RIMS1: variants seen among roughly 807,000 people sequenced by gnomAD.
RIMS1 encodes regulating synaptic membrane exocytosis protein 1.
A neutral mutation model predicts 214.1 loss-of-function variants in RIMS1; 83 were observed. The observed-to-expected ratio is 0.39, with a 90% confidence interval of 0.32 to 0.47. The LOEUF (loss-of-function observed/expected upper bound fraction) is 0.47. Among genes scored for constraint, RIMS1 ranks in the 20% least tolerant of loss-of-function variants. The pLI, the probability that RIMS1 is intolerant of heterozygous loss-of-function variation, is 0.99. For missense variants in RIMS1, 2,050 were observed against 2,161.8 expected (o/e 0.95, Z 1.03); for synonymous variants, 793 against 786.8 (o/e 1.01, Z -0.13).
At chr6:72,187,559 C>T (rs2049340292) in intron 6 of RIMS1, among the ~76,000 whole-genome samples, 2 of 146,490 alleles carry the variant, frequency 1.4e-5, no homozygotes, top group Admixed American at 7.0e-5. Context: ...TCACTGCAAC[C>T]TCTGCCTCCC....
intron 26 of RIMS1, chr6:72,296,114 T>A (rs1476513621): frequency 6.6e-6 from 1 of 152,240 alleles, no homozygotes; most frequent in East Asian, 1.9e-4. Context: ...GTATTTGATA[T>A]TAATTATTTC....
intron 26 of RIMS1, among the ~76,000 whole-genome samples, chr6:72,300,331 A>G (rs1174342932): frequency 1.3e-5 from 2 of 151,834 alleles, no homozygotes; most frequent in African/African-American, 4.8e-5. Flanking sequence ...ATGTCTAACC[A>G]TGGACAGGCT....
chr6:72,007,845 G>C (rs960955058), intron 2 of RIMS1, among the ~76,000 whole-genome samples: 5 of 152,204 alleles, frequency 3.3e-5, no homozygotes, highest in Non-Finnish European at 7.3e-5. Context: ...ATCTATGTCT[G>C]ATTGGTGTAC....
chr6:72,280,870 A>G (rs2089770806), intron 23 of RIMS1, among the ~76,000 whole-genome samples: 1 of 152,130 alleles, frequency 6.6e-6, no homozygotes, highest in Non-Finnish European at 1.5e-5. Context: ...AATGCAAAAA[A>G]CATAGTCAAT....
intron 2 of RIMS1, among the ~76,000 whole-genome samples, chr6:71,971,027 T>G (rs1438442600): frequency 6.6e-6 from 1 of 152,166 alleles, no homozygotes; most frequent in Non-Finnish European, 1.5e-5. Flanking sequence ...TAATATTTTT[T>G]TTAAAAATAA....
chr6:72,186,223 C>G (rs574966697), intron 6 of RIMS1, among the ~76,000 whole-genome samples: 2 of 152,212 alleles, frequency 1.3e-5, no homozygotes, highest in Non-Finnish European at 2.9e-5. Flanking sequence ...ATCAACTGTA[C>G]TTCACAAGTA....
At chr6:72,367,711 G>A (rs749970273) in intron 29 of RIMS1, among the ~76,000 whole-genome samples, 1 of 152,252 alleles carries the variant, frequency 6.6e-6, no homozygotes, top group Non-Finnish European at 1.5e-5. Flanking sequence ...TTCAAAAACA[G>A]TGCTGTTCTC....
At chr6:72,023,311 AAAT>A (rs1815301179) in intron 2 of RIMS1, among the ~76,000 whole-genome samples, 2 of 152,154 alleles carry the variant, frequency 1.3e-5, no homozygotes, top group African/African-American at 4.8e-5. Flanking sequence ...TACGTGTTGT[AAAT>A]AAATAGCACA....
chr6:72,151,396 A>C (rs1324747827), intron 4 of RIMS1, among the ~76,000 whole-genome samples: 4 of 152,210 alleles, frequency 2.6e-5, no homozygotes, highest in Non-Finnish European at 1.5e-5. Context: ...TGAAAGTCTA[A>C]AGATGTGATA....
chr6:72,385,771 C>T (rs1374633617), intron 29 of RIMS1, among the ~76,000 whole-genome samples: 1 of 152,204 alleles, frequency 6.6e-6, no homozygotes, highest in African/African-American at 2.4e-5. Flanking sequence ...ACAGTTTCCA[C>T]ATCTATAAAA....
rs1375530431 is a variant in RIMS1, at chr6:72,197,554, C to T, written c.1678+14405C>T. Reference sequence around the variant, plus strand: ...TTAAGTATTAAAGTTATTAACAGAACTCAAGATAAAGAGAAAGCTCTGGGT... The same window carrying T: ...TTAAGTATTAAAGTTATTAACAGAATTCAAGATAAAGAGAAAGCTCTGGGT... On this transcript the variant is annotated intron_variant, in intron 6 of 33. Transcript: ENST00000521978. Among the ~76,000 whole-genome samples the T allele has an allele frequency of 4.6e-5, 7 of 152,060 alleles. No individual in the cohort carries two copies. In the East Asian group the frequency reaches 1.3e-3, roughly 29 times the overall value.
intron 2 of RIMS1, among the ~76,000 whole-genome samples, chr6:72,090,410 G>A (rs1305523370): frequency 6.6e-6 from 1 of 151,980 alleles, no homozygotes; most frequent in African/African-American, 2.4e-5. Context: ...CTATTTTGTA[G>A]CAGAAAACTC....
At chr6:72,299,276 G>T (rs2094395241) in intron 26 of RIMS1, among the ~76,000 whole-genome samples, 1 of 151,798 alleles carries the variant, frequency 6.6e-6, no homozygotes, top group Non-Finnish European at 1.5e-5. Flanking sequence ...AAGCAATTTT[G>T]AATCATAACA....
intron 28 of RIMS1, among the ~76,000 whole-genome samples, chr6:72,325,397 A>G (rs1487029782): frequency 6.6e-6 from 1 of 151,470 alleles, no homozygotes; most frequent in African/African-American, 2.4e-5. Flanking sequence ...CTTAAAAACA[A>G]TTACAGTCCA....
intron 4 of RIMS1, among the ~76,000 whole-genome samples, chr6:72,118,813 G>T (rs542198583): frequency 2.2e-4 from 33 of 151,508 alleles, no homozygotes; most frequent in African/African-American, 7.7e-4. Context: ...AGTCATAAAA[G>T]GTACCTACTT....
intron 4 of RIMS1, among the ~76,000 whole-genome samples, chr6:72,101,551 T>G (rs1460946254): frequency 6.6e-6 from 1 of 151,956 alleles, no homozygotes; most frequent in Middle Eastern, 3.2e-3. Context: ...CTCTTTTATT[T>G]TTAGTAGAGA....
At chr6:71,913,751 T>A (rs79325417) in intron 1 of RIMS1, among the ~76,000 whole-genome samples, 52 of 152,170 alleles carry the variant, frequency 3.4e-4, no homozygotes, top group Non-Finnish European at 6.6e-4. Flanking sequence ...AATCTGTGAG[T>A]TCCAGGCCTT....
At chr6:72,167,978 A>T (rs1300042118) in intron 4 of RIMS1, among the ~76,000 whole-genome samples, 2 of 151,570 alleles carry the variant, frequency 1.3e-5, no homozygotes, top group African/African-American at 2.4e-5. Flanking sequence ...GATTTTTGGC[A>T]ATTTAAAATT....
At chr6:72,125,291 G>T (rs2039276592) in intron 4 of RIMS1, among the ~76,000 whole-genome samples, 2 of 152,198 alleles carry the variant, frequency 1.3e-5, no homozygotes, top group African/African-American at 2.4e-5. Context: ...GACCCTGTTT[G>T]CCTGGGTATC....
Sources: allele counts gnomAD v4.1 joint callset (sites outside exome capture counted in the v4.1 genomes callset), GRCh38; gene constraint gnomAD v4.1.1; transcripts MANE v1.5; gene names NCBI Gene and HGNC (gene_info 2026-07-23, HGNC 2026-07-21).